Variants in PPP1R9A observed in about 807,000 individuals in gnomAD.
The protein encoded by PPP1R9A is protein phosphatase 1 regulatory subunit 9A, also known as neurabin-1.
PPP1R9A carries 59 observed loss-of-function variants against 141.9 expected under a neutral mutation model. That is an observed-to-expected ratio of 0.42 (90% CI 0.34 to 0.52). The LOEUF (loss-of-function observed/expected upper bound fraction) is 0.52. Ranked by LOEUF, PPP1R9A falls within the 20% of genes least tolerant of loss-of-function variation. The pLI, the probability that PPP1R9A is intolerant of heterozygous loss-of-function variation, is 0.10. For synonymous variants in PPP1R9A, 500 were observed against 569.7 expected (o/e 0.88, Z 1.74); for missense variants, 1,444 against 1,611.9 (o/e 0.90, Z 1.78).
rs1817742807 is a variant in PPP1R9A, at chr7:95,094,402, TCTC to T, written c.1396-16853_1396-16851del. Among the ~76,000 whole-genome samples the T allele has an allele frequency of 5.9e-5, 9 of 152,316 alleles. No individual in the cohort carries two copies. The South Asian group carries it at 1.9e-3, about 32-fold the overall frequency. ...TAAAATCATTCGTAAATTCATTCTCTCTCCTCTGTCACTCTACTCCATCCCGTC... is the reference window on the plus strand; with the variant it reads ...TAAAATCATTCGTAAATTCATTCTCTCTCTGTCACTCTACTCCATCCCGTC... On this transcript the variant is annotated intron_variant, in intron 2 of 19. Transcript: ENST00000433360.
chr7:95,265,648 T>A (rs1470352160), intron 12 of PPP1R9A, among the ~76,000 whole-genome samples: 1 of 152,178 alleles, frequency 6.6e-6, no homozygotes, highest in African/African-American at 2.4e-5. Flanking sequence ...AGCTTCCTTC[T>A]GGTGTAAATG....
intron 2 of PPP1R9A, among the ~76,000 whole-genome samples, chr7:94,969,629 A>G (rs960676253): frequency 1.3e-5 from 2 of 152,048 alleles, no homozygotes; most frequent in East Asian, 1.9e-4. Flanking sequence ...GGGGTCAGCA[A>G]CGCACTTGAG....
chr7:94,986,705 G>A (rs1800884931), intron 2 of PPP1R9A, among the ~76,000 whole-genome samples: 1 of 152,212 alleles, frequency 6.6e-6, no homozygotes, highest in African/African-American at 2.4e-5. Flanking sequence ...CACAGGCATT[G>A]AAATAGCACA....
chr7:95,199,465 A>C (rs2152861472), intron 6 of PPP1R9A, among the ~76,000 whole-genome samples: 1 of 152,342 alleles, frequency 6.6e-6, no homozygotes. Flanking sequence ...AGATATTAAT[A>C]AACAGACATT....
At chr7:95,274,666 A>G (rs1802834526) in intron 16 of PPP1R9A, among the ~76,000 whole-genome samples, 1 of 152,188 alleles carries the variant, frequency 6.6e-6, no homozygotes, top group African/African-American at 2.4e-5. Flanking sequence ...ACTGTCAACT[A>G]TGCTTAGTCT....
At chr7:94,938,301 G>A (rs1325492879) in intron 2 of PPP1R9A, among the ~76,000 whole-genome samples, 1 of 152,070 alleles carries the variant, frequency 6.6e-6, no homozygotes, top group Non-Finnish European at 1.5e-5. Flanking sequence ...AATTTTTTGT[G>A]GAAAAATTGT....
At chr7:95,118,490 G>C (rs565501742) in intron 3 of PPP1R9A, among the ~76,000 whole-genome samples, 2 of 152,216 alleles carry the variant, frequency 1.3e-5, no homozygotes, top group Non-Finnish European at 2.9e-5. Context: ...GCTCATCCAG[G>C]GGAAACACTG....
At chr7:95,274,735 A>G (rs894385739) in intron 16 of PPP1R9A, among the ~76,000 whole-genome samples, 2 of 152,092 alleles carry the variant, frequency 1.3e-5, no homozygotes, top group Admixed American at 6.5e-5. Context: ...AAATTTTCCC[A>G]GTTGTTTTCT....
intron 12 of PPP1R9A, among the ~76,000 whole-genome samples, chr7:95,254,570 C>G (rs993488365): frequency 1.3e-5 from 2 of 152,118 alleles, no homozygotes; most frequent in African/African-American, 4.8e-5. Flanking sequence ...CTGTCCAATT[C>G]TGATTTGCTT....
chr7:95,061,048 A>G (rs1391459256), intron 2 of PPP1R9A, among the ~76,000 whole-genome samples: 1 of 152,186 alleles, frequency 6.6e-6, no homozygotes, highest in Admixed American at 6.5e-5. Context: ...CATAAATAGA[A>G]CATTACCTCT....
At chr7:94,992,099 G>A (rs1801586675) in intron 2 of PPP1R9A, among the ~76,000 whole-genome samples, 1 of 152,162 alleles carries the variant, frequency 6.6e-6, no homozygotes, top group Admixed American at 6.5e-5. Context: ...ATAGCAATGA[G>A]GAAAATGAAT....
intron 4 of PPP1R9A, among the ~76,000 whole-genome samples, chr7:95,121,510 T>G (rs1822603811): frequency 6.6e-6 from 1 of 151,496 alleles, no homozygotes; most frequent in African/African-American, 2.4e-5. Flanking sequence ...TCTATCTATC[T>G]TAGGCGAAGA....
chr7:95,093,067 CA>C lies in PPP1R9A; in HGVS notation c.1396-18190del, dbSNP rs368501117. On this transcript the variant is annotated intron_variant, in intron 2 of 19. Transcript: ENST00000433360. ...GGCAGGTGGAGATGACATGCCATGC[CA>C]ACAGGTTTTGGTAGACTTGAGTTCT... 6.9e-4 allele frequency among the ~76,000 whole-genome samples: 105 copies of C among 152,232 alleles called. 3 individuals are homozygous for C. The East Asian group carries it at 0.018, about 26-fold the overall frequency.
At chr7:95,205,082 T>C (rs936331442) in intron 7 of PPP1R9A, among the ~76,000 whole-genome samples, 7 of 152,064 alleles carry the variant, frequency 4.6e-5, no homozygotes, top group Non-Finnish European at 7.4e-5. Flanking sequence ...AAAGATTCTC[T>C]CTAGAAATAT....
chr7:94,949,304 C>T (rs913119176), intron 2 of PPP1R9A, among the ~76,000 whole-genome samples: 4 of 152,080 alleles, frequency 2.6e-5, no homozygotes, highest in East Asian at 3.9e-4. Flanking sequence ...CACAGATTTC[C>T]ACCATTCTCC....
rs956610484 is a variant in PPP1R9A, at chr7:95,083,430, G to C, written c.1396-27829G>C. ...CACAGTAACCTAGGTCTTATGGCCT[G>C]TTTCAGGGAGGAATGTGAGGAGGGG... On this transcript the variant is annotated intron_variant, in intron 2 of 19. Coordinates refer to ENST00000433360, the MANE Select transcript of PPP1R9A (RefSeq NM_001166160.2). 1.3e-5 allele frequency among the ~76,000 whole-genome samples: 2 copies of C among 151,964 alleles called. 1 individual carries two copies. Among genetic ancestry groups the C allele is most frequent in the South Asian group, 4.1e-4 (2 of 4,834 alleles).
At chr7:95,218,315 G>T (rs1228426491) in intron 7 of PPP1R9A, among the ~76,000 whole-genome samples, 1 of 152,166 alleles carries the variant, frequency 6.6e-6, no homozygotes, top group Non-Finnish European at 1.5e-5. Context: ...TAGTTTGATT[G>T]CAGTGTGGTC....
chr7:95,094,795 G>T (rs1395414873), intron 2 of PPP1R9A, among the ~76,000 whole-genome samples: 2 of 144,894 alleles, frequency 1.4e-5, no homozygotes, highest in South Asian at 4.3e-4. Flanking sequence ...CAGGAGAATC[G>T]CTTGAACCTG....
chr7:95,085,396 A>C (rs1252229479), intron 2 of PPP1R9A, among the ~76,000 whole-genome samples: 1 of 149,796 alleles, frequency 6.7e-6, no homozygotes, highest in Non-Finnish European at 1.5e-5. Context: ...CACTGCGCTC[A>C]GCAAAAAAGA....
Sources: gnomAD v4.1 joint callset for allele counts (sites outside exome capture counted in the v4.1 genomes callset) on GRCh38, gnomAD v4.1.1 for gene constraint, MANE v1.5 for transcripts, NCBI Gene and HGNC (gene_info 2026-07-23, HGNC 2026-07-21) for gene names.